The following DPH6 variants were observed in gnomAD, a reference collection of about 807,000 sequenced individuals.
DPH6 encodes the protein diphthamine biosynthesis 6.
DPH6 carries 33 observed loss-of-function variants against 38.2 expected under a neutral mutation model. That is an observed-to-expected ratio of 0.86 (90% CI 0.65 to 1.15). The LOEUF is 1.15. Among genes scored for constraint, DPH6 ranks in the 50% most tolerant of loss-of-function variants. The pLI is 0.00. For missense variants in DPH6, 325 were observed against 320.0 expected (o/e 1.02, Z -0.12); for synonymous variants, 108 against 103.0 (o/e 1.05, Z -0.30).
rs192253669 is a variant in DPH6, at chr15:35,489,547, A to G, written c.313-34727T>C. On this transcript the variant is annotated intron_variant, in intron 3 of 8. Transcript: ENST00000256538. ...CATAATCTTTTGCAGGGATGAGTCT[A>G]TATCTTTCTCATGTTTAAATTTTTC... 2.3e-5 allele frequency: 23 copies of G among 983,220 alleles called. No individual in the cohort carries two copies. The South Asian group carries it at 2.4e-4, about 10-fold the overall frequency. 60.9% of individuals were successfully genotyped at this position (983,220 alleles called of 1,614,324 possible).
chr15:35,535,636 TAC>T (rs34037642), intron 3 of DPH6, among the ~76,000 whole-genome samples: 94,964 of 151,800 alleles, frequency 0.63, 33,598 homozygotes, highest in East Asian at 0.84. Flanking sequence ...CAGGAAATAA[TAC>T]AGTTATCCAT....
Position 35,279,068 on chromosome 15 carries a change from AAT to A in DPH6, n.201-58488_201-58487del, listed in dbSNP as rs1555390827. ...TGTCTCAAAAAAAAAAAAAAAAAAAAATATATATATATATATAATTTTGGAGC... is the reference window on the plus strand; with the variant it reads ...TGTCTCAAAAAAAAAAAAAAAAAAAAATATATATATATATAATTTTGGAGC... On this transcript the variant is annotated intron_variant and non_coding_transcript_variant, in intron 3 of 3. Coordinates refer to the DPH6 transcript ENST00000560386. 2.3e-3 allele frequency among the ~76,000 whole-genome samples: 241 copies of A among 102,966 alleles called. 6 individuals are homozygous for A. The highest frequency in any genetic ancestry group is 0.023 in the Middle Eastern group (4 of 176). The allele number at this position is 102,966 out of a possible 152,430, so 67.5% of individuals were successfully genotyped here.
At chr15:35,529,471 T>C (rs2055054552) in intron 3 of DPH6, among the ~76,000 whole-genome samples, 1 of 152,118 alleles carries the variant, frequency 6.6e-6, no homozygotes, top group Non-Finnish European at 1.5e-5. Context: ...ACATGAGATA[T>C]GGGTGGGGAC....
intron 3 of DPH6, among the ~76,000 whole-genome samples, chr15:35,471,835 T>C (rs2054202344): frequency 6.6e-6 from 1 of 152,346 alleles, no homozygotes; most frequent in Non-Finnish European, 1.5e-5. Flanking sequence ...TTATTTTCTA[T>C]ACATGTTCTT....
intron 3 of DPH6, among the ~76,000 whole-genome samples, chr15:35,282,097 A>C (rs2051902946): frequency 6.6e-6 from 1 of 152,108 alleles, no homozygotes; most frequent in African/African-American, 2.4e-5. Context: ...TTCTCTTTTT[A>C]TATAAAACTA....
At chr15:35,238,156 T>C in intron 3 of DPH6, 4 of 914,196 alleles carry the variant, frequency 4.4e-6, no homozygotes, top group Admixed American at 2.2e-5. Flanking sequence ...CTGAAACTTA[T>C]TTTTTTTTCT....
chr15:35,253,943 T>C (rs947408053), intron 3 of DPH6, among the ~76,000 whole-genome samples: 1 of 152,190 alleles, frequency 6.6e-6, no homozygotes, highest in Admixed American at 6.6e-5. Context: ...AGACTAGAGC[T>C]GAATATTTCT....
chr15:35,526,677 C>T (rs1218892999), intron 3 of DPH6, among the ~76,000 whole-genome samples: 1 of 152,152 alleles, frequency 6.6e-6, no homozygotes, highest in Admixed American at 6.5e-5. Flanking sequence ...GTTCACCTAA[C>T]TTTCACACTT....
chr15:35,205,966 T>G, the DPH6 span, among the ~76,000 whole-genome samples: 1 of 152,142 alleles, frequency 6.6e-6, no homozygotes, highest in Non-Finnish European at 1.5e-5. Flanking sequence ...GCAAGCCACC[T>G]TGAGGTACTA....
chr15:35,544,648 G>C (rs549212101), intron 1 of DPH6, among the ~76,000 whole-genome samples: 5 of 152,108 alleles, frequency 3.3e-5, no homozygotes, highest in Non-Finnish European at 1.5e-5. Context: ...ACAGGTAAAT[G>C]CTTACGTATT....
downstream of DPH6, among the ~76,000 whole-genome samples, chr15:35,367,056 A>G (rs1566882383): frequency 6.6e-6 from 1 of 151,916 alleles, no homozygotes; most frequent in Non-Finnish European, 1.5e-5. Context: ...GAAAGAGCCA[A>G]GAATGGGCTG....
intron 3 of DPH6, among the ~76,000 whole-genome samples, chr15:35,264,018 T>C (rs536530130): frequency 1.0e-3 from 157 of 152,110 alleles, no homozygotes; most frequent in Middle Eastern, 3.4e-3. Context: ...CAACATAGTT[T>C]ATAATTTTTA....
the DPH6 span, among the ~76,000 whole-genome samples, chr15:35,152,942 C>A: frequency 6.6e-6 from 1 of 152,166 alleles, no homozygotes; most frequent in African/African-American, 2.4e-5. Flanking sequence ...AATGTGACAA[C>A]AGTGGTGTTT....
chr15:35,525,148 T>C (rs956599133), intron 3 of DPH6, among the ~76,000 whole-genome samples: 1 of 152,116 alleles, frequency 6.6e-6, no homozygotes, highest in Non-Finnish European at 1.5e-5. Context: ...AAACAAGTCA[T>C]AATAAGTACC....
intron 3 of DPH6, among the ~76,000 whole-genome samples, chr15:35,516,500 A>C (rs1313723848): frequency 2.0e-5 from 3 of 152,218 alleles, no homozygotes; most frequent in African/African-American, 7.2e-5. Flanking sequence ...GAAGTTAACT[A>C]AACTAAGATC....
At chr15:35,350,930 T>G (rs1467812628) in intron 3 of DPH6, among the ~76,000 whole-genome samples, 1 of 152,198 alleles carries the variant, frequency 6.6e-6, no homozygotes, top group Non-Finnish European at 1.5e-5. Flanking sequence ...TCTGCATTTA[T>G]CTATAAAGAC....
chr15:35,435,531 G>A (rs540904459), intron 5 of DPH6, among the ~76,000 whole-genome samples: 36 of 152,300 alleles, frequency 2.4e-4, no homozygotes, highest in Non-Finnish European at 3.8e-4. Flanking sequence ...TATGCAGGGG[G>A]AGGAGTCAGG....
At chr15:35,300,673 C>A (rs2140802964) in intron 3 of DPH6, among the ~76,000 whole-genome samples, 1 of 152,266 alleles carries the variant, frequency 6.6e-6, no homozygotes, top group Non-Finnish European at 1.5e-5. Context: ...TGGGTATTAT[C>A]TTTCACCCCA....
At chr15:35,298,815 C>T (rs1409163093) in intron 3 of DPH6, 5 of 1,106,276 alleles carry the variant, frequency 4.5e-6, no homozygotes, top group Non-Finnish European at 7.0e-6. Flanking sequence ...GTTCCTCGTA[C>T]ACTGGGGGAG....
Sources: gnomAD v4.1 joint callset for allele counts (sites outside exome capture counted in the v4.1 genomes callset) on GRCh38, gnomAD v4.1.1 for gene constraint, MANE v1.5 for transcripts, NCBI Gene and HGNC (gene_info 2026-07-23, HGNC 2026-07-21) for gene names.